The following ARHGAP19 variants were observed in gnomAD, a reference collection of about 807,000 sequenced individuals.
ARHGAP19 encodes the protein rho GTPase-activating protein 19.
ARHGAP19 carries 48 observed loss-of-function variants against 60.9 expected under a neutral mutation model. The observed-to-expected ratio is 0.79, with a 90% confidence interval of 0.62 to 1.00. ARHGAP19 has a LOEUF of 1.00. Ranked by LOEUF, ARHGAP19 falls within the 50% of genes least tolerant of loss-of-function variation. ARHGAP19 has a pLI of 0.00. For synonymous variants in ARHGAP19, 209 were observed against 215.5 expected (o/e 0.97, Z 0.27); for missense variants, 562 against 597.2 (o/e 0.94, Z 0.61).
intron 1 of ARHGAP19, among the ~76,000 whole-genome samples, chr10:97,288,809 C>CA (rs1554868371): frequency 2.5e-5 from 3 of 120,004 alleles, no homozygotes; most frequent in Non-Finnish European, 5.0e-5. Flanking sequence ...AACTTCTCTC[C>CA]TTTTTTTTTT....
chr10:97,234,415 TAAAAAAA>T lies in ARHGAP19; in HGVS notation c.1284+795_1284+801del, dbSNP rs10592924. On this transcript the variant is annotated intron_variant, in intron 9 of 11. Transcript: ENST00000358531. ...TGCACATGTACCCAGAAATAAAAAT[TAAAAAAA>T]AAAAAAAAAAAAAAAGATACTCAGT... is the stretch of plus-strand genomic sequence containing the variant. 2.4e-5 allele frequency among the ~76,000 whole-genome samples: 3 copies of T among 124,128 alleles called. No individual in the cohort carries two copies. The South Asian group carries it at 8.0e-4, about 33-fold the overall frequency. 81.4% of individuals were successfully genotyped at this position (124,128 alleles called of 152,430 possible).
At chr10:97,269,825 A>G (rs1842940097) in intron 1 of ARHGAP19, among the ~76,000 whole-genome samples, 1 of 152,222 alleles carries the variant, frequency 6.6e-6, no homozygotes, top group South Asian at 2.1e-4. Flanking sequence ...TATTCCTGAA[A>G]CAGAAACACA....
chr10:97,267,020 T>C (rs1164849473), intron 1 of ARHGAP19, among the ~76,000 whole-genome samples: 1 of 152,216 alleles, frequency 6.6e-6, no homozygotes, highest in Non-Finnish European at 1.5e-5. Context: ...TCTTAACTTA[T>C]TTCAGCATTA....
intron 10 of ARHGAP19, 117 bp downstream of exon 10, chr10:97,229,647 G>A (rs1850966231): frequency 1.3e-6 from 1 of 743,952 alleles, no homozygotes; most frequent in Non-Finnish European, 2.2e-6. Context: ...AAAGGATTGA[G>A]AAAAAGCCAT....
At chr10:97,256,293 C>G (rs1325178736) in intron 6 of ARHGAP19, 25 bp downstream of exon 6, 1 of 1,562,524 alleles carries the variant, frequency 6.4e-7, no homozygotes, top group Non-Finnish European at 8.8e-7. Flanking sequence ...GTCCTGTTAC[C>G]AGCCAAATGC....
At chr10:97,258,082 T>A (rs531634872) in intron 5 of ARHGAP19, among the ~76,000 whole-genome samples, 1 of 152,296 alleles carries the variant, frequency 6.6e-6, no homozygotes, top group South Asian at 2.1e-4. Context: ...ATTATTTTGA[T>A]TAAAGTTTCA....
chr10:97,252,891 T>C (rs1376231145), intron 6 of ARHGAP19, among the ~76,000 whole-genome samples: 2 of 152,124 alleles, frequency 1.3e-5, no homozygotes, highest in Non-Finnish European at 2.9e-5. Flanking sequence ...AGCAAAGATA[T>C]GTAATCAACG....
intron 11 of ARHGAP19, among the ~76,000 whole-genome samples, chr10:97,227,281 T>C (rs1185312703): frequency 6.6e-6 from 1 of 152,206 alleles, no homozygotes; most frequent in Non-Finnish European, 1.5e-5. Context: ...AAGAAATACA[T>C]GGCAGGCACC....
intron 8 of ARHGAP19, among the ~76,000 whole-genome samples, chr10:97,241,058 C>A (rs767795306): frequency 3.3e-5 from 5 of 152,082 alleles, no homozygotes; most frequent in South Asian, 2.1e-4. Flanking sequence ...CGGTGGCTCA[C>A]GCCTGTAATA....
rs956388197 is a variant in ARHGAP19, at chr10:97,222,763, G to A, written c.*3359C>T. ...GTTTGAAGCCTTCAGGGTAAAGGAGGGCAGAGATAAGGCTCTCTCCTGGGG... is the reference window on the plus strand; with the variant it reads ...GTTTGAAGCCTTCAGGGTAAAGGAGAGCAGAGATAAGGCTCTCTCCTGGGG... On this transcript the variant is annotated 3_prime_UTR_variant, in exon 12 of 12. Transcript: ENST00000358531. 2.0e-5 allele frequency: 3 copies of A among 151,962 alleles called. No individual in the cohort carries two copies. Among genetic ancestry groups the A allele is most frequent in the African/African-American group, 7.3e-5 (3 of 41,308 alleles). 9.4% of individuals were successfully genotyped at this position (151,962 alleles called of 1,614,324 possible). A position where few individuals can be genotyped will look rare whatever the true frequency, so the allele number is the denominator to read the frequency against.
intron 1 of ARHGAP19, among the ~76,000 whole-genome samples, chr10:97,273,881 C>A (rs1277807480): frequency 6.6e-6 from 1 of 151,940 alleles, no homozygotes; most frequent in Admixed American, 6.6e-5. Flanking sequence ...GAATATTACA[C>A]AGTAATGAAA....
intron 1 of ARHGAP19, among the ~76,000 whole-genome samples, chr10:97,272,991 C>T (rs1842979195): frequency 6.6e-6 from 1 of 151,964 alleles, no homozygotes; most frequent in African/African-American, 2.4e-5. Context: ...CAGGTGCCCG[C>T]CACCACGCCT....
chr10:97,251,279 A>AT (rs1842649253), intron 6 of ARHGAP19, among the ~76,000 whole-genome samples: 2 of 40,084 alleles, frequency 5.0e-5, no homozygotes, highest in Admixed American at 2.3e-4. Flanking sequence ...TGGGAAGGGA[A>AT]GGGAAAAAGG....
chr10:97,281,830 C>T (rs1029262574), intron 1 of ARHGAP19, among the ~76,000 whole-genome samples: 1 of 152,058 alleles, frequency 6.6e-6, no homozygotes, highest in Admixed American at 6.6e-5. Flanking sequence ...ATCTTAAAGA[C>T]GTGTAGGAGT....
chr10:97,290,310 C>A (rs551838447), intron 1 of ARHGAP19, among the ~76,000 whole-genome samples: 1 of 152,356 alleles, frequency 6.6e-6, no homozygotes, highest in East Asian at 1.9e-4. Flanking sequence ...GGCAGGGTGT[C>A]TGCTGTGCTC....
chr10:97,229,774 T>C lies in ARHGAP19; in HGVS notation c.1385A>G (p.Asn462Ser). 2 of 1,601,976 alleles carry C rather than the reference T, an allele frequency of 1.2e-6. No individual in the cohort carries two copies. Among genetic ancestry groups the C allele is most frequent in the African/African-American group, 1.3e-5 (1 of 74,566 alleles). ...AGAACAGTGTCTTACTAAGTTCCTA[T>C]TTTCTTTGCTGGTTCCCTTCAATTC... ...IGELKGTSKE[N>S]RNLLFSGSPA... Residue 462 changes from asparagine (N) to serine (S), a missense_variant, in exon 10 of 12, where the codon AAT becomes AGT. Physicochemically the swap from Asn to Ser is conservative, Grantham distance 46. Transcript: ENST00000358531.
At chr10:97,260,806 T>C (rs1272821648) in intron 4 of ARHGAP19, among the ~76,000 whole-genome samples, 2 of 151,432 alleles carry the variant, frequency 1.3e-5, no homozygotes, top group Non-Finnish European at 2.9e-5. Flanking sequence ...AATAAACACA[T>C]ATCCAAGTCA....
intron 11 of ARHGAP19, 80 bp downstream of exon 11, chr10:97,229,066 TG>T: frequency 7.4e-7 from 1 of 1,345,160 alleles, no homozygotes; most frequent in Non-Finnish European, 1.1e-6. Context: ...TGTACTATCC[TG>T]GGAATTCAAA....
At chr10:97,236,803 GAAAAAAA>G (rs71007323) in intron 8 of ARHGAP19, among the ~76,000 whole-genome samples, 21 of 80,018 alleles carry the variant, frequency 2.6e-4, no homozygotes, top group South Asian at 1.9e-3. Flanking sequence ...AACAGACTCA[GAAAAAAA>G]AAAAAAAAAA....
Sources: gnomAD v4.1 joint callset for allele counts (sites outside exome capture counted in the v4.1 genomes callset) on GRCh38, gnomAD v4.1.1 for gene constraint, MANE v1.5 for transcripts, NCBI Gene and HGNC (gene_info 2026-07-23, HGNC 2026-07-21) for gene names.